Variants in P3H2 observed in about 807,000 individuals in gnomAD.
P3H2 encodes prolyl 3-hydroxylase 2, also known as leprecan-like 1.
A neutral mutation model predicts 87.0 loss-of-function variants in P3H2; 80 were observed. The ratio of observed to expected loss-of-function variants is 0.92; its 90% CI spans 0.77 to 1.11. The LOEUF (loss-of-function observed/expected upper bound fraction) is 1.11, where lower values mean the gene tolerates loss of function less well. P3H2 is among the 50% of genes least tolerant of loss of function. The pLI is 0.00. For missense variants in P3H2, 1,001 were observed against 923.9 expected (o/e 1.08, Z -1.08); for synonymous variants, 367 against 359.3 (o/e 1.02, Z -0.24).
At chr3:190,072,233 G>A (rs756954698) in intron 1 of P3H2, among the ~76,000 whole-genome samples, 1 of 152,092 alleles carries the variant, frequency 6.6e-6, no homozygotes, top group Non-Finnish European at 1.5e-5. Flanking sequence ...GACCATGTTG[G>A]CCAGGCTGGT....
At chr3:190,013,678 G>C (rs1020683612) in intron 1 of P3H2, among the ~76,000 whole-genome samples, 1 of 152,146 alleles carries the variant, frequency 6.6e-6, no homozygotes, top group Non-Finnish European at 1.5e-5. Context: ...CATCCTTTAG[G>C]GAAATGGTGA....
Position 189,957,729 on chromosome 3 carries a change from C to A in P3H2, c.*183G>T, listed in dbSNP as rs1158042105. On this transcript the variant is annotated 3_prime_UTR_variant, in exon 15 of 15. Transcript: ENST00000319332. Reference sequence around the variant, plus strand: ...GAGAGAGAGAGAGAGAGAGAGAAAACAACCCAAAACAAGAAAGATAGATTG... The same window carrying A: ...GAGAGAGAGAGAGAGAGAGAGAAAAAAACCCAAAACAAGAAAGATAGATTG... 7.4e-6 allele frequency: 4 copies of A among 537,884 alleles called. No individual in the cohort carries two copies. Among genetic ancestry groups the A allele is most frequent in the Admixed American group, 3.3e-5 (1 of 30,726 alleles). The allele number at this position is 537,884 out of a possible 1,614,324, so 33.3% of individuals were successfully genotyped here.
At position 190,041,037 on chromosome 3, in the gene P3H2, TACACACACACACACACACACAC is replaced by T. The variant is rs1202716732; in HGVS notation, c.481-45617_481-45596del. ...TGGCTCTACTATATATATATATATA[TACACACACACACACACACACAC>T]ACACACACACACACACACACACTCT... On this transcript the variant is annotated intron_variant, in intron 1 of 14. Transcript: ENST00000319332. Among the ~76,000 whole-genome samples the T allele has an allele frequency of 6.1e-4, 30 of 49,366 alleles. 1 individual carries two copies. Among genetic ancestry groups the T allele is most frequent in the African/African-American group, 1.4e-3 (25 of 17,274 alleles). 32.4% of individuals were successfully genotyped at this position (49,366 alleles called of 152,430 possible).
Position 190,070,257 on chromosome 3 carries a change from G to T in P3H2, c.480+49995C>A, listed in dbSNP as rs115666534. ...TTATTATTTACTATTGAGAGAGGAA[G>T]AGAAGCAGATTTTGGCTCAGTGCAT... is the stretch of plus-strand genomic sequence containing the variant. On this transcript the variant is annotated intron_variant, in intron 1 of 14. Transcript: ENST00000319332. 3.5e-3 allele frequency among the ~76,000 whole-genome samples: 532 copies of T among 152,210 alleles called. 1 individual carries two copies. The highest frequency in any genetic ancestry group is 0.011 in the South Asian group (51 of 4,820).
At chr3:190,046,190 C>T (rs1725798376) in intron 1 of P3H2, among the ~76,000 whole-genome samples, 1 of 151,734 alleles carries the variant, frequency 6.6e-6, no homozygotes, top group Non-Finnish European at 1.5e-5. Context: ...TTCAGACTTG[C>T]CAAGCCAGCC....
chr3:190,039,459 G>A (rs1024024150), intron 1 of P3H2, among the ~76,000 whole-genome samples: 1 of 152,154 alleles, frequency 6.6e-6, no homozygotes, highest in African/African-American at 2.4e-5. Flanking sequence ...TATCTTCACA[G>A]ATGAGAAAAC....
intron 1 of P3H2, among the ~76,000 whole-genome samples, chr3:190,039,024 T>C (rs1461965506): frequency 1.3e-5 from 2 of 152,078 alleles, no homozygotes; most frequent in Admixed American, 1.3e-4. Flanking sequence ...ACCCTGTCTC[T>C]ACTAAAAATA....
chr3:190,048,112 C>A (rs1271142472), intron 1 of P3H2, among the ~76,000 whole-genome samples: 1 of 152,176 alleles, frequency 6.6e-6, no homozygotes, highest in Non-Finnish European at 1.5e-5. Context: ...ACCAACACAA[C>A]TATCTTCATT....
At chr3:190,055,467 T>G (rs972741487) in intron 1 of P3H2, among the ~76,000 whole-genome samples, 2 of 151,568 alleles carry the variant, frequency 1.3e-5, no homozygotes, top group Non-Finnish European at 2.9e-5. Context: ...ACAAGAATCT[T>G]TAGATATTAA....
Position 189,957,235 on chromosome 3 carries a change from G to A in P3H2, c.*677C>T, listed in dbSNP as rs1722661144. 2 of 399,324 alleles carry A rather than the reference G, an allele frequency of 5.0e-6. No homozygotes were observed. The highest frequency in any genetic ancestry group is 8.8e-6 in the Non-Finnish European group (2 of 226,658). The allele number at this position is 399,324 out of a possible 1,614,324, so 24.7% of individuals were successfully genotyped here. On this transcript the variant is annotated 3_prime_UTR_variant, in exon 15 of 15. Coordinates refer to ENST00000319332, the MANE Select transcript of P3H2 (RefSeq NM_018192.4). ...TGAGGCAGCGTGGACTCTGCCAGGGGCTCCTCAGACCCAAAGTGGAGCTCA... is the reference window on the plus strand; with the variant it reads ...TGAGGCAGCGTGGACTCTGCCAGGGACTCCTCAGACCCAAAGTGGAGCTCA...
chr3:190,102,875 G>T (rs924367623), intron 1 of P3H2, among the ~76,000 whole-genome samples: 3 of 152,108 alleles, frequency 2.0e-5, no homozygotes, highest in African/African-American at 7.2e-5. Flanking sequence ...TGTTTTAAAT[G>T]CCAGTCACTC....
At chr3:190,075,283 C>T (rs1360184463) in intron 1 of P3H2, among the ~76,000 whole-genome samples, 4 of 152,216 alleles carry the variant, frequency 2.6e-5, no homozygotes, top group South Asian at 2.1e-4. Context: ...ATCAGGAGTT[C>T]GAGACCAGCC....
At chr3:189,979,772 A>T (rs1282197474) in intron 8 of P3H2, among the ~76,000 whole-genome samples, 1 of 151,678 alleles carries the variant, frequency 6.6e-6, no homozygotes, top group East Asian at 2.0e-4. Context: ...GACCAGCCTG[A>T]CCGAGATGGT....
At chr3:189,969,353 T>G (rs1723101489) in intron 13 of P3H2, 1 of 828,512 alleles carries the variant, frequency 1.2e-6, no homozygotes, top group African/African-American at 1.7e-5. Context: ...GGTCCCTCAG[T>G]TGTGACCATT....
At chr3:190,038,249 A>T in intron 1 of P3H2, among the ~76,000 whole-genome samples, 1 of 151,610 alleles carries the variant, frequency 6.6e-6, no homozygotes, top group East Asian at 1.9e-4. Context: ...AAAAAAAAAA[A>T]AAAAAAACTG....
At chr3:190,019,176 C>T (rs866921393) in intron 1 of P3H2, among the ~76,000 whole-genome samples, 9 of 152,194 alleles carry the variant, frequency 5.9e-5, no homozygotes, top group South Asian at 2.1e-4. Context: ...CAAACAGAAG[C>T]GAGGGAAACC....
intron 1 of P3H2, among the ~76,000 whole-genome samples, chr3:190,031,637 G>GAA (rs11405730): frequency 7.0e-4 from 104 of 148,836 alleles, no homozygotes; most frequent in East Asian, 2.0e-3. Context: ...ACTCCATGTC[G>GAA]AAAAAAAAAA....
chr3:189,980,685 T>C (rs1316688378), intron 8 of P3H2, among the ~76,000 whole-genome samples: 1 of 152,232 alleles, frequency 6.6e-6, no homozygotes, highest in Non-Finnish European at 1.5e-5. Context: ...TTTTTAGTTA[T>C]GATATAATAA....
At chr3:190,053,450 G>GTTTTTT (rs1282152069) in intron 1 of P3H2, among the ~76,000 whole-genome samples, 1 of 128,920 alleles carries the variant, frequency 7.8e-6, no homozygotes, top group Admixed American at 7.8e-5. Flanking sequence ...AAATAAAGTG[G>GTTTTTT]TTTTTTTTTT....
Sources: allele counts gnomAD v4.1 joint callset (sites outside exome capture counted in the v4.1 genomes callset), GRCh38; gene constraint gnomAD v4.1.1; transcripts MANE v1.5; gene names NCBI Gene and HGNC (gene_info 2026-07-23, HGNC 2026-07-21).